LAMA3: variants seen among roughly 807,000 people sequenced by gnomAD.
The protein encoded by LAMA3 is laminin subunit alpha-3.
A neutral mutation model predicts 402.0 loss-of-function variants in LAMA3; 281 were observed. That is an observed-to-expected ratio of 0.70 (90% CI 0.63 to 0.77). LAMA3 has a LOEUF of 0.77. Among genes scored for constraint, LAMA3 ranks in the 30% least tolerant of loss-of-function variants. The probability of loss-of-function intolerance (pLI) is 0.00; values close to 1 mark genes in which losing one functional copy is unlikely to be tolerated. For missense variants in LAMA3, 3,840 were observed against 4,215.5 expected, an observed-to-expected ratio of 0.91 and a Z score of 2.47; for synonymous variants, 1,431 against 1,558.4, an observed-to-expected ratio of 0.92 and a Z score of 1.93.
At position 23,753,681 on chromosome 18, in the gene LAMA3, T is replaced by C. The variant is rs562833654; in HGVS notation, c.856-40T>C. ...ACTAGTAAGAGAAAGTTTTTGTCAC[T>C]GTTCAGTGAAACTTGCATGTTCTGT... On this transcript the variant is annotated intron_variant, in intron 5 of 74. Transcript: ENST00000313654. 2.9e-5 allele frequency: 43 copies of C among 1,499,130 alleles called. 1 individual carries two copies. In the South Asian group the frequency reaches 4.5e-4, roughly 16 times the overall value. The allele number at this position is 1,499,130 out of a possible 1,614,324, so 92.9% of individuals were successfully genotyped here.
At chr18:23,707,267 C>G (rs1354605696) in intron 1 of LAMA3, among the ~76,000 whole-genome samples, 1 of 152,126 alleles carries the variant, frequency 6.6e-6, no homozygotes, top group Admixed American at 6.5e-5. Context: ...TTGGTGCTCT[C>G]CCATTTGTCC....
rs1399247459 is a variant in LAMA3, at chr18:23,890,134, C to A, written c.5410+17C>A. 1.3e-6 allele frequency: 2 copies of A among 1,506,732 alleles called. No individual in the cohort carries two copies. Among genetic ancestry groups the A allele is most frequent in the South Asian group, 1.1e-5 (1 of 89,100 alleles). 93.3% of individuals were successfully genotyped at this position (1,506,732 alleles called of 1,614,324 possible). A position where few individuals can be genotyped will look rare whatever the true frequency, so the allele number is the denominator to read the frequency against. Reference sequence around the variant, plus strand: ...TGACTGGAGGTAAGGCCGACCCACACCCCTGCTAACTTGCATTTATAAAGC... The same window carrying A: ...TGACTGGAGGTAAGGCCGACCCACAACCCTGCTAACTTGCATTTATAAAGC... On this transcript the variant is annotated intron_variant, in intron 42 of 74. Coordinates refer to ENST00000313654, the MANE Select transcript of LAMA3 (RefSeq NM_198129.4).
chr18:23,838,983 G>A lies in LAMA3; in HGVS notation c.3191+105G>A. On this transcript the variant is annotated intron_variant, in intron 26 of 74. Coordinates refer to ENST00000313654, the MANE Select transcript of LAMA3 (RefSeq NM_198129.4). ...ACGTCAGAAATGATCATAAGCCAAGGTGCTAAAGTCTGGTGGTGGATTTAA... is the reference window on the plus strand; with the variant it reads ...ACGTCAGAAATGATCATAAGCCAAGATGCTAAAGTCTGGTGGTGGATTTAA... 8 of 773,888 alleles carry A rather than the reference G, an allele frequency of 1.0e-5. No homozygotes were observed. In the South Asian group the frequency reaches 1.1e-4, roughly 11 times the overall value. 47.9% of individuals were successfully genotyped at this position (773,888 alleles called of 1,614,324 possible).
chr18:23,748,274 C>T lies in LAMA3; in HGVS notation c.565+214C>T, dbSNP rs535346994. Among the ~76,000 whole-genome samples, 47 of 151,392 alleles carry T rather than the reference C, an allele frequency of 3.1e-4. No individual in the cohort carries two copies. The South Asian group carries it at 7.9e-3, about 26-fold the overall frequency. ...TGAAACCCTGTCTCTACTAAAAATACAAAAATTAGCCAGGCACATGCCTGT... is the reference window on the plus strand; with the variant it reads ...TGAAACCCTGTCTCTACTAAAAATATAAAAATTAGCCAGGCACATGCCTGT... On this transcript the variant is annotated intron_variant, in intron 3 of 74. Coordinates refer to ENST00000313654, the MANE Select transcript of LAMA3 (RefSeq NM_198129.4).
chr18:23,897,165 C>A (rs1402013672), intron 44 of LAMA3, among the ~76,000 whole-genome samples: 1 of 152,148 alleles, frequency 6.6e-6, no homozygotes, highest in Non-Finnish European at 1.5e-5. Flanking sequence ...TGAAAAAATA[C>A]ACTCATTGAA....
chr18:23,904,424 T>C (rs1036253355), intron 50 of LAMA3, 129 bp from the exon 51 acceptor site: 25 of 1,120,366 alleles, frequency 2.2e-5, no homozygotes, highest in Non-Finnish European at 3.1e-5. Flanking sequence ...TATTTTATTT[T>C]GTTTTTTTCC....
intron 34 of LAMA3, 99 bp from the exon 35 acceptor site, chr18:23,861,547 G>A: frequency 7.3e-7 from 1 of 1,372,816 alleles, no homozygotes. Context: ...GAGGCAAGGA[G>A]GCTGCCCGTG....
chr18:23,748,313 C>T (rs761118812), intron 3 of LAMA3, among the ~76,000 whole-genome samples: 3 of 149,636 alleles, frequency 2.0e-5, no homozygotes, highest in Non-Finnish European at 4.4e-5. Context: ...CCCAGCTACT[C>T]GGGAGGCTGA....
At chr18:23,861,616 T>G in intron 34 of LAMA3, 30 bp from the exon 35 acceptor site, 1 of 1,613,744 alleles carries the variant, frequency 6.2e-7, no homozygotes, top group Non-Finnish European at 8.5e-7. Context: ...CCAAGACGTT[T>G]CCATCCCTTG....
intron 6 of LAMA3, among the ~76,000 whole-genome samples, chr18:23,757,489 G>T (rs1346468106): frequency 8.7e-6 from 1 of 115,122 alleles, no homozygotes; most frequent in Non-Finnish European, 1.7e-5. Flanking sequence ...CACCCTCACT[G>T]CCACTAGACC....
chr18:23,743,486 A>G (rs1467724174), intron 2 of LAMA3, among the ~76,000 whole-genome samples: 1 of 152,168 alleles, frequency 6.6e-6, no homozygotes, highest in Non-Finnish European at 1.5e-5. Context: ...TTGAACACCT[A>G]TTACATGCAG....
intron 2 of LAMA3, among the ~76,000 whole-genome samples, chr18:23,730,368 CTTTTT>C (rs11362144): frequency 8.4e-6 from 1 of 118,650 alleles, no homozygotes; most frequent in African/African-American, 2.9e-5. Flanking sequence ...CTTTTTCTTT[CTTTTT>C]TTTTTTTTTT....
In LAMA3 at chr18:23,693,237, G is replaced by A. The variant is rs374264357; in HGVS notation, c.294+3260G>A. 2.6e-3 allele frequency among the ~76,000 whole-genome samples: 395 copies of A among 152,210 alleles called. 1 individual carries two copies. The highest frequency in any genetic ancestry group is 9.2e-3 in the African/African-American group (382 of 41,528). Reference sequence around the variant, plus strand: ...CAGGTGCCTGTAATCCCAGCTACTCGGGAGGCTGAGGCAGCAGAATTGCTT... The same window carrying A: ...CAGGTGCCTGTAATCCCAGCTACTCAGGAGGCTGAGGCAGCAGAATTGCTT... On this transcript the variant is annotated intron_variant, in intron 1 of 74. Coordinates refer to ENST00000313654, the MANE Select transcript of LAMA3 (RefSeq NM_198129.4).
intron 47 of LAMA3, among the ~76,000 whole-genome samples, chr18:23,900,043 G>A (rs961469197): frequency 6.9e-6 from 1 of 144,610 alleles, no homozygotes; most frequent in Non-Finnish European, 1.5e-5. Flanking sequence ...ATAATTCTGT[G>A]CATGAAATGA....
intron 40 of LAMA3, among the ~76,000 whole-genome samples, chr18:23,884,344 A>G (rs2144946719): frequency 6.6e-6 from 1 of 152,292 alleles, no homozygotes; most frequent in South Asian, 2.1e-4. Context: ...CCCAGAAGGC[A>G]ATGTGCCTGA....
chr18:23,907,492 C>A, intron 52 of LAMA3, 58 bp from the exon 53 acceptor site: 1 of 1,235,738 alleles, frequency 8.1e-7, no homozygotes. Context: ...GCCACAAATA[C>A]CAATGGAGGA....
At chr18:23,766,530 A>G (rs1436145176) in intron 8 of LAMA3, among the ~76,000 whole-genome samples, 2 of 152,182 alleles carry the variant, frequency 1.3e-5, no homozygotes, top group African/African-American at 4.8e-5. Flanking sequence ...GGGCAAATAT[A>G]AAGTACTATT....
At chr18:23,928,384 C>A in intron 63 of LAMA3, 144 bp downstream of exon 63, 1 of 751,798 alleles carries the variant, frequency 1.3e-6, no homozygotes, top group Non-Finnish European at 2.4e-6. Context: ...CATGTGCTTG[C>A]AAGATGCTGA....
At chr18:23,930,391 G>C (rs941041467) in intron 64 of LAMA3, among the ~76,000 whole-genome samples, 2 of 152,148 alleles carry the variant, frequency 1.3e-5, no homozygotes, top group African/African-American at 4.8e-5. Context: ...AGTCTTTGCT[G>C]TAAAATTTAT....
Sources: allele counts gnomAD v4.1 joint callset (sites outside exome capture counted in the v4.1 genomes callset), GRCh38; gene constraint gnomAD v4.1.1; transcripts MANE v1.5; gene names NCBI Gene and HGNC (gene_info 2026-07-23, HGNC 2026-07-21).